Variants in HDAC9 observed in about 807,000 individuals in gnomAD.
The protein encoded by HDAC9 is MEF-2 interacting transcription repressor (MITR) protein.
In HDAC9, 41 loss-of-function variants were observed where a neutral mutation model predicts 139.4. The observed-to-expected ratio is 0.29, with a 90% CI of 0.23 to 0.38. The LOEUF (loss-of-function observed/expected upper bound fraction) is 0.38. Ranked by LOEUF, HDAC9 falls within the 10% of genes least tolerant of loss-of-function variation. The probability of loss-of-function intolerance (pLI) is 1.00; values close to 1 mark genes in which losing one functional copy is unlikely to be tolerated. For missense variants in HDAC9, 1,147 were observed against 1,297.0 expected (o/e 0.88, Z 1.78); for synonymous variants, 517 against 476.2 (o/e 1.09, Z -1.12).
intron 1 of HDAC9, chr7:18,430,610 G>T (rs1470070812): frequency 6.6e-6 from 1 of 152,206 alleles, no homozygotes. Flanking sequence ...GGCTGGGCAT[G>T]GTGGTTCATA....
chr7:18,230,221 T>A (rs1584749667), intron 2 of HDAC9, among the ~76,000 whole-genome samples: 1 of 152,288 alleles, frequency 6.6e-6, no homozygotes, highest in East Asian at 1.9e-4. Context: ...AAAAGCTGGA[T>A]GAAAGATGTC....
At chr7:18,221,707 G>T (rs1217343824) in intron 2 of HDAC9, among the ~76,000 whole-genome samples, 2 of 152,074 alleles carry the variant, frequency 1.3e-5, no homozygotes, top group Admixed American at 6.6e-5. Context: ...ACTAAGAACA[G>T]CAATGTTAAT....
intron 1 of HDAC9, among the ~76,000 whole-genome samples, chr7:18,384,493 C>T (rs1785731555): frequency 1.3e-5 from 2 of 152,060 alleles, no homozygotes; most frequent in Non-Finnish European, 2.9e-5. Flanking sequence ...TGAAGGGAAA[C>T]ATTGGAAACT....
chr7:18,347,890 T>A (rs1004371728), intron 1 of HDAC9, among the ~76,000 whole-genome samples: 9 of 152,212 alleles, frequency 5.9e-5, no homozygotes, highest in African/African-American at 2.2e-4. Flanking sequence ...AGTATGTTTT[T>A]AATCTGTATC....
chr7:18,868,850 C>T (rs888513350), intron 21 of HDAC9, among the ~76,000 whole-genome samples: 4 of 151,974 alleles, frequency 2.6e-5, no homozygotes, highest in African/African-American at 9.7e-5. Context: ...TGCTGAGTGT[C>T]CTGAAGCTTT....
At chr7:18,582,073 C>G (rs901394243) in intron 2 of HDAC9, among the ~76,000 whole-genome samples, 20 of 152,202 alleles carry the variant, frequency 1.3e-4, no homozygotes, top group Admixed American at 2.6e-4. Flanking sequence ...ACATTCAACT[C>G]AGATGACCAG....
intron 21 of HDAC9, among the ~76,000 whole-genome samples, chr7:18,854,389 T>C (rs1340960257): frequency 6.6e-6 from 1 of 152,164 alleles, no homozygotes; most frequent in East Asian, 1.9e-4. Context: ...GCTACAGATA[T>C]TATGTAAATT....
Position 19,001,822 on chromosome 7 carries a change from T to C in HDAC9, c.*5760T>C, listed in dbSNP as rs1277981368. 1 of 152,064 alleles carries C rather than the reference T, an allele frequency of 6.6e-6. No homozygotes were observed. Among genetic ancestry groups the C allele is most frequent in the East Asian group, 1.9e-4 (1 of 5,186 alleles). The allele number at this position is 152,064 out of a possible 1,614,324, so 9.4% of individuals were successfully genotyped here. A position where few individuals can be genotyped will look rare whatever the true frequency, so the allele number is the denominator to read the frequency against. On this transcript the variant is annotated 3_prime_UTR_variant, in exon 26 of 26. Transcript: ENST00000686413. ...GTTACAGCCTCAGCAATCTGTGTCATTTGAAAGCAAATATCCTGATATTTT... is the reference window on the plus strand; with the variant it reads ...GTTACAGCCTCAGCAATCTGTGTCACTTGAAAGCAAATATCCTGATATTTT...
intron 21 of HDAC9, among the ~76,000 whole-genome samples, chr7:18,840,377 G>C (rs970053135): frequency 2.0e-5 from 3 of 151,986 alleles, no homozygotes; most frequent in African/African-American, 7.2e-5. Flanking sequence ...CTTCAGGGAA[G>C]TTCATCTCAG....
chr7:18,523,523 T>G (rs946270000), intron 2 of HDAC9, among the ~76,000 whole-genome samples: 2 of 152,228 alleles, frequency 1.3e-5, no homozygotes, highest in African/African-American at 4.8e-5. Flanking sequence ...GTGTCTCTTA[T>G]GTGCCAGACA....
chr7:18,362,170 C>T (rs1783832637), intron 1 of HDAC9, among the ~76,000 whole-genome samples: 1 of 152,172 alleles, frequency 6.6e-6, no homozygotes, highest in African/African-American at 2.4e-5. Flanking sequence ...ATGATCTAAC[C>T]TTTCATACTT....
intron 1 of HDAC9, among the ~76,000 whole-genome samples, chr7:18,313,385 T>C (rs1204524770): frequency 1.3e-5 from 2 of 152,200 alleles, no homozygotes; most frequent in African/African-American, 2.4e-5. Flanking sequence ...AATAATGCTA[T>C]AAATTCTTTC....
chr7:18,790,557 G>A (rs1792214460), intron 16 of HDAC9, among the ~76,000 whole-genome samples: 1 of 152,022 alleles, frequency 6.6e-6, no homozygotes, highest in South Asian at 2.1e-4. Flanking sequence ...CTACCCCTTG[G>A]TATTTTGTTA....
chr7:18,161,322 G>A (rs1469250075), intron 1 of HDAC9, among the ~76,000 whole-genome samples: 1 of 152,086 alleles, frequency 6.6e-6, no homozygotes, highest in Non-Finnish European at 1.5e-5. Flanking sequence ...GGCAAAAATA[G>A]CAATAACACT....
chr7:18,379,010 C>T (rs184359231), intron 1 of HDAC9, among the ~76,000 whole-genome samples: 1 of 151,994 alleles, frequency 6.6e-6, no homozygotes, highest in Non-Finnish European at 1.5e-5. Context: ...AGATTTATAC[C>T]TAAAAAAATC....
chr7:18,587,829 A>C (rs546633903), intron 3 of HDAC9, among the ~76,000 whole-genome samples: 7 of 152,230 alleles, frequency 4.6e-5, no homozygotes, highest in Middle Eastern at 3.2e-3. Context: ...CATTCATGCA[A>C]TCTTTGATAA....
At chr7:18,658,504 GATTA>G (rs1792018841) in intron 11 of HDAC9, among the ~76,000 whole-genome samples, 1 of 152,092 alleles carries the variant, frequency 6.6e-6, no homozygotes, top group African/African-American at 2.4e-5. Context: ...TTCATGCTGA[GATTA>G]ATTTTGAACC....
intron 1 of HDAC9, among the ~76,000 whole-genome samples, chr7:18,422,861 G>A (rs560198208): frequency 6.6e-6 from 1 of 151,812 alleles, no homozygotes; most frequent in African/African-American, 2.4e-5. Context: ...TTAAGTTTAT[G>A]TTAATAATTT....
intron 22 of HDAC9, among the ~76,000 whole-genome samples, chr7:18,929,831 C>T (rs1326088023): frequency 5.3e-5 from 8 of 151,898 alleles, no homozygotes; most frequent in South Asian, 2.1e-4. Context: ...TCCAGCTACT[C>T]GGGAGGCTGA....
Sources: allele counts gnomAD v4.1 joint callset (sites outside exome capture counted in the v4.1 genomes callset), GRCh38; gene constraint gnomAD v4.1.1; transcripts MANE v1.5; gene names NCBI Gene and HGNC (gene_info 2026-07-23, HGNC 2026-07-21).